The following KCNJ16 variants were observed in gnomAD, a reference collection of about 807,000 sequenced individuals.
KCNJ16 encodes potassium inwardly rectifying channel subfamily J member 16, also known as inward rectifier potassium channel 16.
A neutral mutation model predicts 18.5 loss-of-function variants in KCNJ16; 15 were observed. The ratio of observed to expected loss-of-function variants is 0.81; its 90% CI spans 0.54 to 1.25. The LOEUF is 1.25. Ranked by LOEUF, KCNJ16 falls within the 50% of genes most tolerant of loss-of-function variation. The pLI is 0.00. For missense variants in KCNJ16, 523 were observed against 525.7 expected, an observed-to-expected ratio of 0.99 and a Z score of 0.05; for synonymous variants, 174 against 186.5, an observed-to-expected ratio of 0.93 and a Z score of 0.55.
chr17:70,117,676 G>T (rs2073467853), intron 2 of KCNJ16, among the ~76,000 whole-genome samples: 2 of 151,994 alleles, frequency 1.3e-5, no homozygotes, highest in African/African-American at 4.8e-5. Flanking sequence ...ATTTCCTTGA[G>T]GATAAATATC....
At chr17:70,120,778 C>A (rs998629168) in intron 2 of KCNJ16, among the ~76,000 whole-genome samples, 1 of 152,146 alleles carries the variant, frequency 6.6e-6, no homozygotes, top group Non-Finnish European at 1.5e-5. Flanking sequence ...CCACGGCAAC[C>A]CCACCTTCAG....
At chr17:70,117,878 C>A (rs2073475605) in intron 2 of KCNJ16, among the ~76,000 whole-genome samples, 1 of 152,102 alleles carries the variant, frequency 6.6e-6, no homozygotes, top group South Asian at 2.1e-4. Flanking sequence ...CAGAAACATC[C>A]TTGGGCTTTA....
chr17:70,093,460 G>A (rs978648699), intron 1 of KCNJ16, among the ~76,000 whole-genome samples: 6 of 152,116 alleles, frequency 3.9e-5, no homozygotes, highest in East Asian at 1.9e-4. Flanking sequence ...GACACCAGTC[G>A]TATTGGATCC....
At chr17:70,075,595 G>T (rs1332179628) in intron 1 of KCNJ16, among the ~76,000 whole-genome samples, 2 of 152,122 alleles carry the variant, frequency 1.3e-5, no homozygotes, top group East Asian at 3.8e-4. Context: ...AAGTTATTTT[G>T]AAGCTTTGGT....
chr17:70,100,061 T>C (rs1157703849), intron 1 of KCNJ16, among the ~76,000 whole-genome samples: 2 of 152,158 alleles, frequency 1.3e-5, no homozygotes, highest in South Asian at 2.1e-4. Context: ...ACTTCCTCTA[T>C]ATCCTATGGT....
In KCNJ16 at chr17:70,088,021, C is replaced by CAAA. The variant is rs10661960; in HGVS notation, c.-299-12619_-299-12617dup. Among the ~76,000 whole-genome samples the CAAA allele has an allele frequency of 1.3e-4, 10 of 79,450 alleles. 1 individual carries two copies. The highest frequency in any genetic ancestry group is 3.8e-4 in the African/African-American group (7 of 18,512). The allele number at this position is 79,450 out of a possible 152,430, so 52.1% of individuals were successfully genotyped here. ...TGGGCGACAGAGCAAGACTCTGTCT[C>CAAA]AAAAAAAAAAAAAAAAAAAAGTAAA... On this transcript the variant is annotated intron_variant, in intron 1 of 3. Coordinates refer to ENST00000392671, the MANE Select transcript of KCNJ16 (RefSeq NM_170741.4).
intron 2 of KCNJ16, among the ~76,000 whole-genome samples, chr17:70,106,709 C>A (rs1361765961): frequency 6.6e-6 from 1 of 152,182 alleles, no homozygotes; most frequent in African/African-American, 2.4e-5. Flanking sequence ...AGCTTTCAGA[C>A]ATCCACATTC....
chr17:70,131,983 G>C lies in KCNJ16; in HGVS notation c.-93-12G>C. 6.5e-7 allele frequency: 1 copy of C among 1,549,636 alleles called. No homozygotes were observed. Among genetic ancestry groups the C allele is most frequent in the Non-Finnish European group, 8.7e-7 (1 of 1,151,316 alleles). ...AGCTAAAAAGTGTGTTTTTGTTGTT[G>C]TTGTTTTTTAGGTTCTAACTGAAAA... On this transcript the variant is annotated splice_polypyrimidine_tract_variant and intron_variant, in intron 3 of 3. Coordinates refer to ENST00000392671, the MANE Select transcript of KCNJ16 (RefSeq NM_170741.4).
At position 70,133,317 on chromosome 17, in the gene KCNJ16, C is replaced by A. The variant is rs550235581; in HGVS notation, c.1230C>A (p.Asn410Lys). ...TPYQKALLTLNRISVESQM is the reference protein window; with the variant it reads ...TPYQKALLTLKRISVESQM Reference sequence around the variant, plus strand: ...ATCAGAAAGCTCTCCTGACTTTAAACAGAATCTCTGTAGAATCCCAAATGT... The same window carrying A: ...ATCAGAAAGCTCTCCTGACTTTAAAAAGAATCTCTGTAGAATCCCAAATGT... The change falls in exon 4 of 4, where the codon AAC becomes AAA. Residue 410 changes from asparagine (N) to lysine (K), a missense_variant. Transcript: ENST00000392671. 1.2e-6 allele frequency: 2 copies of A among 1,613,552 alleles called. No individual in the cohort carries two copies. Among genetic ancestry groups the A allele is most frequent in the Non-Finnish European group, 1.7e-6 (2 of 1,179,572 alleles).
intron 1 of KCNJ16, among the ~76,000 whole-genome samples, chr17:70,080,026 C>CT (rs1232656751): frequency 6.6e-6 from 1 of 152,146 alleles, no homozygotes; most frequent in East Asian, 1.9e-4. Flanking sequence ...AATGCTATAG[C>CT]TTTTTTGTAA....
chr17:70,120,217 T>C (rs2073577107), intron 2 of KCNJ16, among the ~76,000 whole-genome samples: 1 of 152,214 alleles, frequency 6.6e-6, no homozygotes, highest in South Asian at 2.1e-4. Context: ...TCTGAGACCG[T>C]GTCAGCCTGG....
At chr17:70,125,617 G>A (rs1315971957) in intron 2 of KCNJ16, among the ~76,000 whole-genome samples, 4 of 151,994 alleles carry the variant, frequency 2.6e-5, no homozygotes, top group African/African-American at 9.7e-5. Context: ...AGAGTAAAGT[G>A]AAAAAAAGTT....
chr17:70,131,385 A>C, intron 3 of KCNJ16: 1 of 1,033,414 alleles, frequency 9.7e-7, no homozygotes, highest in Non-Finnish European at 1.2e-6. Context: ...AATGAGTTTA[A>C]TGTGAAGTAG....
At chr17:70,111,788 T>G (rs537731256) in intron 2 of KCNJ16, among the ~76,000 whole-genome samples, 1 of 152,220 alleles carries the variant, frequency 6.6e-6, no homozygotes, top group African/African-American at 2.4e-5. Context: ...GGGAAACCCC[T>G]TTTGCTTGGC....
chr17:70,102,595 A>AG, intron 2 of KCNJ16, among the ~76,000 whole-genome samples: 1 of 152,200 alleles, frequency 6.6e-6, no homozygotes, highest in East Asian at 1.9e-4. Context: ...TAAAAAAATC[A>AG]GTTGGCAAAA....
At chr17:70,088,658 G>A (rs2071948475) in intron 1 of KCNJ16, among the ~76,000 whole-genome samples, 1 of 152,086 alleles carries the variant, frequency 6.6e-6, no homozygotes, top group Non-Finnish European at 1.5e-5. Context: ...CCTCTTTTGG[G>A]TAACTTATGG....
In KCNJ16 at chr17:70,133,153, G is replaced by A; in HGVS notation, c.1066G>A (p.Ala356Thr). 1.9e-6 allele frequency: 3 copies of A among 1,614,170 alleles called. No individual in the cohort carries two copies. The highest frequency in any genetic ancestry group is 4.5e-5 in the East Asian group (2 of 44,882). ...AGACCAGCAGCTCCACATAGAAAAA[G>A]CACCACCAGTTCGAGAATCCTGCAC... ...WKDQQLHIEK[A>T]PPVRESCTSD... Residue 356 changes from alanine (A) to threonine (T), a missense_variant, in exon 4 of 4, where the codon GCA becomes ACA. Ala to Thr is a moderately conservative substitution (Grantham distance 58). Transcript: ENST00000392671.
At chr17:70,077,304 A>G (rs896372163) in intron 1 of KCNJ16, among the ~76,000 whole-genome samples, 5 of 151,800 alleles carry the variant, frequency 3.3e-5, no homozygotes, top group South Asian at 4.2e-4. Context: ...GTAGATTTAG[A>G]TAAGTGGAGA....
Position 70,133,209 on chromosome 17 carries a change from T to A in KCNJ16, c.1122T>A (p.Phe374Leu). The change falls in exon 4 of 4, where the codon TTT (phenylalanine) becomes TTA (leucine). Residue 374 changes from phenylalanine (F) to leucine (L), a missense_variant. Transcript: ENST00000392671. ...TSDTKARRRS[F>L]SAVAIVSSCE... ...ACACCAAGGCGAGACGAAGGTCATT[T>A]AGTGCAGTTGCCATTGTCAGCAGCT... The A allele has an allele frequency of 1.9e-6, 3 of 1,614,198 alleles. No individual in the cohort carries two copies. The highest frequency in any genetic ancestry group is 2.5e-6 in the Non-Finnish European group (3 of 1,180,036).
Sources: gnomAD v4.1 joint callset for allele counts (sites outside exome capture counted in the v4.1 genomes callset) on GRCh38, gnomAD v4.1.1 for gene constraint, MANE v1.5 for transcripts, NCBI Gene and HGNC (gene_info 2026-07-23, HGNC 2026-07-21) for gene names.